CNTNAP5: variants seen among roughly 807,000 people sequenced by gnomAD.
CNTNAP5 encodes the protein contactin associated protein family member 5, also known as contactin-associated protein-like 5.
Under a neutral mutation model 150.2 loss-of-function variants are expected in CNTNAP5, and 72 were observed. The ratio of observed to expected loss-of-function variants is 0.48; its 90% CI spans 0.40 to 0.58. CNTNAP5 has a LOEUF of 0.58. CNTNAP5 is among the 20% of genes least tolerant of loss of function. The pLI, the probability that CNTNAP5 is intolerant of heterozygous loss-of-function variation, is 0.00. For synonymous variants in CNTNAP5, 672 were observed against 619.8 expected, an observed-to-expected ratio of 1.08 and a Z score of -1.25; for missense variants, 1,636 against 1,626.2, an observed-to-expected ratio of 1.01 and a Z score of -0.10.
chr2:124,251,203 G>A lies in CNTNAP5; in HGVS notation c.381+8810G>A, dbSNP rs371501258. On this transcript the variant is annotated intron_variant, in intron 3 of 23. Coordinates refer to ENST00000682447, the MANE Select transcript of CNTNAP5 (RefSeq NM_001367498.1). ...TAAGTTTGTCTAACACCCTAGACTT[G>A]TCTTGAAAATAATTCTCTAATTTAG... 1.8e-4 allele frequency among the ~76,000 whole-genome samples: 27 copies of A among 152,204 alleles called. No individual in the cohort carries two copies. The South Asian group carries it at 5.4e-3, about 30-fold the overall frequency.
intron 1 of CNTNAP5, among the ~76,000 whole-genome samples, chr2:124,087,551 A>G (rs1402877885): frequency 6.6e-6 from 1 of 151,728 alleles, no homozygotes. Context: ...GTGAAACCCC[A>G]TTTCTACTAA....
chr2:124,648,328 CTT>C (rs1678249334), intron 13 of CNTNAP5, among the ~76,000 whole-genome samples: 2 of 152,026 alleles, frequency 1.3e-5, no homozygotes, highest in African/African-American at 2.4e-5. Flanking sequence ...GAGAATAGAG[CTT>C]GATAAGGCAC....
In CNTNAP5 at chr2:124,119,512, T is replaced by G. The variant is rs1252242575; in HGVS notation, c.82+93780T>G. Among the ~76,000 whole-genome samples, 9 of 152,270 alleles carry G rather than the reference T, an allele frequency of 5.9e-5. No homozygotes were observed. In the East Asian group the frequency reaches 1.7e-3, roughly 29 times the overall value. On this transcript the variant is annotated intron_variant, in intron 1 of 23. Coordinates refer to ENST00000682447, the MANE Select transcript of CNTNAP5 (RefSeq NM_001367498.1). ...CAAAACACTTTCAATTTTTAAAAAT[T>G]TTGTCTATAGCACTGTGGGACTGAC...
chr2:124,611,195 T>G (rs962792843), intron 12 of CNTNAP5, among the ~76,000 whole-genome samples: 1 of 152,182 alleles, frequency 6.6e-6, no homozygotes, highest in African/African-American at 2.4e-5. Context: ...AGACACTGTT[T>G]TAGATACAGA....
Position 124,873,466 on chromosome 2 carries a change from G to A in CNTNAP5, c.3436+3704G>A, listed in dbSNP as rs1018735020. Among the ~76,000 whole-genome samples the A allele has an allele frequency of 3.3e-5, 5 of 152,190 alleles. 1 individual carries two copies. Among genetic ancestry groups the A allele is most frequent in the Admixed American group, 3.3e-4 (5 of 15,262 alleles). ...TAAGAATGGGAGACATCTGCTCACT[G>A]GGCTGCCTTCCCATTTGAACTGCCG... On this transcript the variant is annotated intron_variant, in intron 21 of 23. Coordinates refer to ENST00000682447, the MANE Select transcript of CNTNAP5 (RefSeq NM_001367498.1).
intron 19 of CNTNAP5, among the ~76,000 whole-genome samples, chr2:124,812,390 C>T (rs1682256356): frequency 6.6e-6 from 1 of 151,288 alleles, no homozygotes; most frequent in African/African-American, 2.4e-5. Context: ...GGAATCCCTC[C>T]TTTATGGCAG....
At chr2:124,032,605 A>C (rs1006389597) in intron 1 of CNTNAP5, among the ~76,000 whole-genome samples, 5 of 152,148 alleles carry the variant, frequency 3.3e-5, no homozygotes, top group Admixed American at 6.5e-5. Context: ...TGGCCAAGTA[A>C]ATTTAAGACC....
intron 13 of CNTNAP5, among the ~76,000 whole-genome samples, chr2:124,688,521 C>A (rs182433019): frequency 6.6e-6 from 1 of 151,862 alleles, no homozygotes; most frequent in South Asian, 2.1e-4. Flanking sequence ...GATAGAATGA[C>A]GTAGAATTTT....
At chr2:124,152,004 T>C (rs1283683992) in intron 1 of CNTNAP5, among the ~76,000 whole-genome samples, 7 of 152,290 alleles carry the variant, frequency 4.6e-5, no homozygotes, top group Non-Finnish European at 7.4e-5. Flanking sequence ...CCCACTGAAA[T>C]ACATTAACAC....
intron 19 of CNTNAP5, among the ~76,000 whole-genome samples, chr2:124,843,481 G>A (rs561838196): frequency 1.3e-5 from 2 of 152,256 alleles, no homozygotes; most frequent in Admixed American, 6.5e-5. Flanking sequence ...AAACATGCAT[G>A]TGCAAGTATC....
At chr2:124,032,758 G>C (rs895461609) in intron 1 of CNTNAP5, among the ~76,000 whole-genome samples, 1 of 152,086 alleles carries the variant, frequency 6.6e-6, no homozygotes, top group Non-Finnish European at 1.5e-5. Context: ...TGCTAGAAAA[G>C]GTACTCAGTT....
chr2:124,144,914 C>A (rs1415046346), intron 1 of CNTNAP5, among the ~76,000 whole-genome samples: 1 of 113,938 alleles, frequency 8.8e-6, no homozygotes, highest in Non-Finnish European at 1.8e-5. Flanking sequence ...GGCTAATATC[C>A]AGAATCTACA....
intron 16 of CNTNAP5, among the ~76,000 whole-genome samples, chr2:124,767,663 C>T (rs1661232966): frequency 2.0e-5 from 3 of 152,130 alleles, no homozygotes; most frequent in African/African-American, 4.8e-5. Flanking sequence ...ATATGCCACC[C>T]AGATGCCTTT....
chr2:124,663,115 G>C (rs1678626319), intron 13 of CNTNAP5, among the ~76,000 whole-genome samples: 1 of 152,140 alleles, frequency 6.6e-6, no homozygotes, highest in East Asian at 1.9e-4. Flanking sequence ...TGTTCAAAGA[G>C]GTTAAGTAAA....
chr2:124,586,307 G>A (rs979863698), intron 11 of CNTNAP5, among the ~76,000 whole-genome samples: 1 of 152,144 alleles, frequency 6.6e-6, no homozygotes, highest in African/African-American at 2.4e-5. Flanking sequence ...AATTTTCTGA[G>A]TTATTGAGGT....
intron 17 of CNTNAP5, among the ~76,000 whole-genome samples, chr2:124,784,024 T>C (rs549793714): frequency 6.6e-6 from 1 of 152,336 alleles, no homozygotes; most frequent in South Asian, 2.1e-4. Context: ...TTATTCATCA[T>C]GTATATGTTA....
intron 1 of CNTNAP5, among the ~76,000 whole-genome samples, chr2:124,098,612 A>T (rs999818807): frequency 6.6e-6 from 1 of 152,136 alleles, no homozygotes; most frequent in Non-Finnish European, 1.5e-5. Flanking sequence ...ACAGATGAGG[A>T]AACTGAGGCA....
intron 11 of CNTNAP5, among the ~76,000 whole-genome samples, chr2:124,577,925 G>C (rs1275601242): frequency 1.3e-5 from 2 of 152,148 alleles, no homozygotes; most frequent in African/African-American, 4.8e-5. Context: ...AATGATGATA[G>C]ACAAAACTGG....
At chr2:124,062,466 C>T (rs1380800145) in intron 1 of CNTNAP5, among the ~76,000 whole-genome samples, 2 of 152,210 alleles carry the variant, frequency 1.3e-5, no homozygotes, top group Admixed American at 6.5e-5. Flanking sequence ...CACTGTGATT[C>T]CTTAGATTTG....
Sources: gnomAD v4.1 joint callset for allele counts (sites outside exome capture counted in the v4.1 genomes callset) on GRCh38, gnomAD v4.1.1 for gene constraint, MANE v1.5 for transcripts, NCBI Gene and HGNC (gene_info 2026-07-23, HGNC 2026-07-21) for gene names.